The following LRRC7 variants were observed in gnomAD, a reference collection of about 807,000 sequenced individuals.
LRRC7 encodes leucine rich repeat containing 7, also known as leucine-rich repeat-containing protein 7.
In LRRC7, 23 loss-of-function variants were observed where a neutral mutation model predicts 175.7. That is an observed-to-expected ratio of 0.13 (90% CI 0.09 to 0.19). The LOEUF (loss-of-function observed/expected upper bound fraction) is 0.19. LRRC7 is among the 10% of genes least tolerant of loss of function. LRRC7 has a pLI of 1.00. For synonymous variants in LRRC7, 685 were observed against 680.9 expected, an observed-to-expected ratio of 1.01 and a Z score of -0.09; for missense variants, 1,354 against 1,904.7, an observed-to-expected ratio of 0.71 and a Z score of 5.38.
intron 7 of LRRC7, among the ~76,000 whole-genome samples, chr1:69,905,319 C>A (rs1177009879): frequency 6.6e-6 from 1 of 151,730 alleles, no homozygotes; most frequent in Non-Finnish European, 1.5e-5. Flanking sequence ...AGGTTTGTTA[C>A]ATATGTATAC....
chr1:69,898,014 A>G (rs531841283), intron 7 of LRRC7, among the ~76,000 whole-genome samples: 12 of 152,346 alleles, frequency 7.9e-5, no homozygotes, highest in African/African-American at 1.9e-4. Flanking sequence ...ACAAAGTTGT[A>G]GTGTTAATCC....
intron 14 of LRRC7, among the ~76,000 whole-genome samples, chr1:70,017,442 T>G (rs1265453410): frequency 1.3e-5 from 2 of 152,198 alleles, no homozygotes; most frequent in Admixed American, 6.5e-5. Flanking sequence ...TGAAGATAAC[T>G]GATTTGCCTA....
intron 3 of LRRC7, among the ~76,000 whole-genome samples, chr1:69,764,920 G>A (rs1026444473): frequency 4.6e-5 from 7 of 152,098 alleles, no homozygotes; most frequent in Admixed American, 3.3e-4. Context: ...TCAAAGAAAA[G>A]TAAGATTATG....
intron 11 of LRRC7, among the ~76,000 whole-genome samples, chr1:69,996,699 A>G (rs2101917600): frequency 6.6e-6 from 1 of 152,234 alleles, no homozygotes; most frequent in South Asian, 2.1e-4. Flanking sequence ...GTCAAAGATC[A>G]GATAGTTGTA....
chr1:70,116,559 A>C (rs1045897241), intron 26 of LRRC7, among the ~76,000 whole-genome samples: 141 of 151,994 alleles, frequency 9.3e-4, no homozygotes, highest in Non-Finnish European at 1.6e-3. Context: ...AAAAAAAAAA[A>C]AAAAAACACA....
chr1:69,886,781 C>G (rs942650503), intron 7 of LRRC7, among the ~76,000 whole-genome samples: 11 of 150,952 alleles, frequency 7.3e-5, no homozygotes, highest in Admixed American at 4.0e-4. Context: ...ATGTTTAGCG[C>G]TTCCTTCAGG....
At chr1:69,630,836 G>C (rs551717752) in intron 1 of LRRC7, among the ~76,000 whole-genome samples, 1 of 152,110 alleles carries the variant, frequency 6.6e-6, no homozygotes, top group African/African-American at 2.4e-5. Flanking sequence ...AAAAGAATTA[G>C]ACAAGCAACA....
intron 3 of LRRC7, among the ~76,000 whole-genome samples, chr1:69,791,440 C>A (rs908607414): frequency 6.6e-6 from 1 of 151,980 alleles, no homozygotes; most frequent in Non-Finnish European, 1.5e-5. Flanking sequence ...CTCTTTCCCA[C>A]CTAATACTTT....
At chr1:69,896,989 A>T (rs1421214493) in intron 7 of LRRC7, among the ~76,000 whole-genome samples, 2 of 151,954 alleles carry the variant, frequency 1.3e-5, no homozygotes, top group Non-Finnish European at 2.9e-5. Flanking sequence ...ATATTGAGAG[A>T]TTTTCTTCCA....
chr1:70,011,804 T>C lies in LRRC7; in HGVS notation c.1012T>C (p.Leu338=), dbSNP rs1656535372. 3.2e-6 allele frequency: 5 copies of C among 1,562,180 alleles called. No individual in the cohort carries two copies. The highest frequency in any genetic ancestry group is 3.5e-6 in the Non-Finnish European group (4 of 1,134,252). Residue 338 remains leucine, a synonymous_variant, in exon 12 of 27, where the codon TTA becomes CTA. Coordinates refer to ENST00000651989, the MANE Select transcript of LRRC7 (RefSeq NM_001370785.2). ...ATGTATTTAACTTTTCAGTTTATCTTTATTAGAAGAATTTGACTGTAGCTG... is the reference window on the plus strand; with the variant it reads ...ATGTATTTAACTTTTCAGTTTATCTCTATTAGAAGAATTTGACTGTAGCTG... ...MLPNTIGNLS[L]LEEFDCSCNE... is the part of the protein sequence containing the mutation.
chr1:69,900,651 C>T (rs1386125426), intron 7 of LRRC7, among the ~76,000 whole-genome samples: 2 of 152,172 alleles, frequency 1.3e-5, no homozygotes, highest in African/African-American at 4.8e-5. Context: ...TTGAGCATCA[C>T]TAATATGAAA....
At chr1:69,807,722 C>G (rs1295004333) in intron 4 of LRRC7, among the ~76,000 whole-genome samples, 1 of 151,990 alleles carries the variant, frequency 6.6e-6, no homozygotes, top group Non-Finnish European at 1.5e-5. Context: ...CTCTGGCTGC[C>G]CTTAACATGT....
chr1:69,973,787 T>C (rs1421635535), intron 8 of LRRC7, among the ~76,000 whole-genome samples: 1 of 152,180 alleles, frequency 6.6e-6, no homozygotes, highest in East Asian at 1.9e-4. Flanking sequence ...GATTTCGCCA[T>C]GTTGGCCAGG....
intron 1 of LRRC7, among the ~76,000 whole-genome samples, chr1:69,619,169 C>T (rs1355072880): frequency 6.6e-6 from 1 of 152,066 alleles, no homozygotes; most frequent in Non-Finnish European, 1.5e-5. Flanking sequence ...TTCTCCTGAT[C>T]AGCAGTTCTC....
intron 7 of LRRC7, among the ~76,000 whole-genome samples, chr1:69,841,962 G>A (rs1681780920): frequency 6.6e-6 from 1 of 152,102 alleles, no homozygotes; most frequent in Admixed American, 6.6e-5. Context: ...ATAGCTGATA[G>A]CCCAGACTTG....
At chr1:69,637,500 C>T (rs906414299) in intron 1 of LRRC7, among the ~76,000 whole-genome samples, 6 of 151,802 alleles carry the variant, frequency 4.0e-5, no homozygotes, top group African/African-American at 1.5e-4. Context: ...CACAACTAAA[C>T]ATGGAGGCTT....
chr1:70,090,573 ACT>A (rs1326910156), intron 25 of LRRC7, among the ~76,000 whole-genome samples: 6 of 152,080 alleles, frequency 3.9e-5, no homozygotes, highest in African/African-American at 1.4e-4. Context: ...AGTGTTTAAT[ACT>A]CTCAGCTTTG....
chr1:69,731,736 C>T (rs879620862), intron 2 of LRRC7, among the ~76,000 whole-genome samples: 1 of 152,104 alleles, frequency 6.6e-6, no homozygotes, highest in Admixed American at 6.5e-5. Context: ...AAGGTGTCTC[C>T]ATCTATGAAA....
At chr1:70,100,750 C>G (rs1396442657) in intron 25 of LRRC7, among the ~76,000 whole-genome samples, 1 of 151,978 alleles carries the variant, frequency 6.6e-6, no homozygotes, top group Non-Finnish European at 1.5e-5. Flanking sequence ...TTACAATTAA[C>G]TGGTTTGTGA....
Sources: gnomAD v4.1 joint callset for allele counts (sites outside exome capture counted in the v4.1 genomes callset) on GRCh38, gnomAD v4.1.1 for gene constraint, MANE v1.5 for transcripts, NCBI Gene and HGNC (gene_info 2026-07-23, HGNC 2026-07-21) for gene names.